Variants in MEIS2 observed in about 807,000 individuals in gnomAD.
The protein encoded by MEIS2 is homeobox protein Meis2.
MEIS2 carries 9 observed loss-of-function variants against 58.6 expected under a neutral mutation model. The observed-to-expected ratio is 0.15, with a 90% confidence interval of 0.09 to 0.27. MEIS2 has a LOEUF of 0.27. Ranked by LOEUF, MEIS2 falls within the 10% of genes least tolerant of loss-of-function variation. The pLI, the probability that MEIS2 is intolerant of heterozygous loss-of-function variation, is 1.00. For synonymous variants in MEIS2, 221 were observed against 228.4 expected (o/e 0.97, Z 0.29); for missense variants, 427 against 635.0 (o/e 0.67, Z 3.52).
chr15:36,937,269 G>A (rs1473713028), intron 9 of MEIS2, among the ~76,000 whole-genome samples: 1 of 152,164 alleles, frequency 6.6e-6, no homozygotes, highest in Non-Finnish European at 1.5e-5. Context: ...TCAACGTCTA[G>A]AGTCACTCTA....
At chr15:37,027,500 C>T (rs1406633900) in intron 8 of MEIS2, among the ~76,000 whole-genome samples, 1 of 152,186 alleles carries the variant, frequency 6.6e-6, no homozygotes, top group African/African-American at 2.4e-5. Context: ...AGGGATTTCA[C>T]TAAATAGCAT....
chr15:37,011,060 T>G (rs1407007356), intron 8 of MEIS2, among the ~76,000 whole-genome samples: 1 of 152,234 alleles, frequency 6.6e-6, no homozygotes, highest in Non-Finnish European at 1.5e-5. Context: ...GGGAAAGATT[T>G]ATTGAACTGG....
At chr15:36,893,494 C>T (rs1441178163) in intron 11 of MEIS2, among the ~76,000 whole-genome samples, 5 of 152,174 alleles carry the variant, frequency 3.3e-5, no homozygotes, top group Admixed American at 2.6e-4. Flanking sequence ...GTTTATTCTA[C>T]CACAGCAGCC....
At chr15:36,980,269 T>C (rs2059890211) in intron 8 of MEIS2, among the ~76,000 whole-genome samples, 1 of 152,200 alleles carries the variant, frequency 6.6e-6, no homozygotes, top group South Asian at 2.1e-4. Flanking sequence ...TATATATATC[T>C]GTGTTTTTCA....
intron 8 of MEIS2, among the ~76,000 whole-genome samples, chr15:37,036,035 C>T (rs1228110719): frequency 6.6e-6 from 1 of 152,176 alleles, no homozygotes; most frequent in African/African-American, 2.4e-5. Context: ...AAAATATAAG[C>T]ATGCCTAGTT....
At chr15:37,046,590 G>A (rs2062680640) in intron 7 of MEIS2, among the ~76,000 whole-genome samples, 1 of 152,132 alleles carries the variant, frequency 6.6e-6, no homozygotes, top group Admixed American at 6.5e-5. Context: ...AGCTGGCAAT[G>A]TGAGTGTCGT....
chr15:36,932,676 G>C (rs997677404), intron 9 of MEIS2, among the ~76,000 whole-genome samples: 1 of 152,046 alleles, frequency 6.6e-6, no homozygotes, highest in Non-Finnish European at 1.5e-5. Context: ...GTGTGCACGT[G>C]TGTGTCTGTC....
At chr15:37,023,075 T>C (rs2061579223) in intron 8 of MEIS2, among the ~76,000 whole-genome samples, 1 of 152,350 alleles carries the variant, frequency 6.6e-6, no homozygotes, top group Non-Finnish European at 1.5e-5. Context: ...ATTTTGTATA[T>C]GCTGTTTTCT....
chr15:36,923,981 T>A (rs1334827121), intron 9 of MEIS2, among the ~76,000 whole-genome samples: 1 of 152,216 alleles, frequency 6.6e-6, no homozygotes, highest in Non-Finnish European at 1.5e-5. Context: ...GAAAGGAGCA[T>A]CATTTTCAAA....
At chr15:37,070,085 T>C (rs1890496959) in intron 7 of MEIS2, among the ~76,000 whole-genome samples, 1 of 152,164 alleles carries the variant, frequency 6.6e-6, no homozygotes, top group African/African-American at 2.4e-5. Flanking sequence ...CATTTATACA[T>C]TTTAGAGGGT....
intron 7 of MEIS2, among the ~76,000 whole-genome samples, chr15:37,053,828 A>G (rs1274943947): frequency 6.6e-6 from 1 of 152,232 alleles, no homozygotes; most frequent in East Asian, 1.9e-4. Flanking sequence ...TAGGGAGATA[A>G]CTATTGGATT....
chr15:37,063,763 T>C (rs1450051973), intron 7 of MEIS2, among the ~76,000 whole-genome samples: 1 of 152,200 alleles, frequency 6.6e-6, no homozygotes, highest in Non-Finnish European at 1.5e-5. Flanking sequence ...GAATTCCAGA[T>C]GGCACTCTTT....
intron 8 of MEIS2, among the ~76,000 whole-genome samples, chr15:36,970,209 C>T (rs192845520): frequency 0.014 from 2,077 of 152,188 alleles, 23 homozygotes; most frequent in Non-Finnish European, 0.021. Flanking sequence ...CCGGACCATC[C>T]TGGCTAACAT....
chr15:37,000,605 CCACT>C (rs949667895), intron 8 of MEIS2, among the ~76,000 whole-genome samples: 5 of 152,028 alleles, frequency 3.3e-5, no homozygotes, highest in Non-Finnish European at 7.4e-5. Flanking sequence ...TTACTCCCAC[CCACT>C]GTCAGAGAAA....
intron 8 of MEIS2, among the ~76,000 whole-genome samples, chr15:36,970,022 G>A (rs2141459998): frequency 6.6e-6 from 1 of 152,232 alleles, no homozygotes; most frequent in Admixed American, 6.5e-5. Flanking sequence ...CACTGACTCT[G>A]TAAATAACCT....
chr15:37,027,450 G>C (rs572631900), intron 8 of MEIS2, among the ~76,000 whole-genome samples: 48 of 152,262 alleles, frequency 3.2e-4, no homozygotes, highest in Non-Finnish European at 5.6e-4. Context: ...CATGTGGAAC[G>C]AAGAAATGGA....
At chr15:36,957,581 T>C (rs1387198966) in intron 8 of MEIS2, among the ~76,000 whole-genome samples, 1 of 152,194 alleles carries the variant, frequency 6.6e-6, no homozygotes, top group African/African-American at 2.4e-5. Context: ...ACTTCCACAG[T>C]GCTTTCTTTC....
At chr15:37,090,513 T>C (rs545043373) in intron 6 of MEIS2, among the ~76,000 whole-genome samples, 1 of 152,272 alleles carries the variant, frequency 6.6e-6, no homozygotes, top group East Asian at 1.9e-4. Flanking sequence ...ATATACTTGC[T>C]TTGAAGATAT....
chr15:37,018,295 C>T (rs936766239), intron 8 of MEIS2, among the ~76,000 whole-genome samples: 13 of 152,224 alleles, frequency 8.5e-5, no homozygotes, highest in South Asian at 4.1e-4. Context: ...TGGACCTTGC[C>T]GGCATCTAAA....
Sources: gnomAD v4.1 joint callset for allele counts (sites outside exome capture counted in the v4.1 genomes callset) on GRCh38, gnomAD v4.1.1 for gene constraint, MANE v1.5 for transcripts, NCBI Gene and HGNC (gene_info 2026-07-23, HGNC 2026-07-21) for gene names.